The following SLC35F3 variants were observed in gnomAD, a reference collection of about 807,000 sequenced individuals.
The protein encoded by SLC35F3 is solute carrier family 35 member F3.
Under a neutral mutation model 49.9 loss-of-function variants are expected in SLC35F3, and 25 were observed. The ratio of observed to expected loss-of-function variants is 0.50; its 90% confidence interval spans 0.37 to 0.70. The LOEUF is 0.70. Among genes scored for constraint, SLC35F3 ranks in the 30% least tolerant of loss-of-function variants. SLC35F3 has a pLI of 0.00. For missense variants in SLC35F3, 525 were observed against 639.8 expected, an observed-to-expected ratio of 0.82 and a Z score of 1.94; for synonymous variants, 275 against 265.4, an observed-to-expected ratio of 1.04 and a Z score of -0.35.
chr1:233,914,738 G>A (rs541515547), intron 2 of SLC35F3, among the ~76,000 whole-genome samples: 1 of 152,294 alleles, frequency 6.6e-6, no homozygotes, highest in Non-Finnish European at 1.5e-5. Flanking sequence ...TTGTCCCACA[G>A]CAGGAGGATG....
chr1:233,951,094 T>C (rs1473431770), intron 2 of SLC35F3, among the ~76,000 whole-genome samples: 2 of 151,602 alleles, frequency 1.3e-5, no homozygotes, highest in Non-Finnish European at 2.9e-5. Flanking sequence ...CTATAATATA[T>C]GATAACACGT....
intron 7 of SLC35F3, 49 bp from the exon 8 acceptor site, chr1:234,322,959 A>C: frequency 6.5e-7 from 1 of 1,548,908 alleles, no homozygotes. Context: ...CTCCAGGGAC[A>C]TGCCCCCAAC....
chr1:234,178,850 A>C lies in SLC35F3; in HGVS notation c.284-52567A>C, dbSNP rs75377363. ...TTGTACATTCTGTGGATCTTGACAA[A>C]TGTCTAATGACATGTGTATCTATCA... On this transcript the variant is annotated intron_variant, in intron 2 of 7. Coordinates refer to ENST00000366618, the MANE Select transcript of SLC35F3 (RefSeq NM_173508.4). Among the ~76,000 whole-genome samples the C allele has an allele frequency of 8.4e-3, 1,272 of 152,306 alleles. 21 individuals carry two copies. The highest frequency in any genetic ancestry group is 0.029 in the African/African-American group (1,198 of 41,554).
At chr1:234,112,313 C>T (rs1298055475) in intron 2 of SLC35F3, among the ~76,000 whole-genome samples, 2 of 152,104 alleles carry the variant, frequency 1.3e-5, no homozygotes, top group Non-Finnish European at 2.9e-5. Flanking sequence ...AGGATCACAC[C>T]ACTGCACTCC....
At chr1:234,289,129 A>T (rs1467170731) in intron 3 of SLC35F3, among the ~76,000 whole-genome samples, 1 of 152,328 alleles carries the variant, frequency 6.6e-6, no homozygotes, top group South Asian at 2.1e-4. Context: ...CAATGACGTC[A>T]TGGCATTTGA....
intron 2 of SLC35F3, among the ~76,000 whole-genome samples, chr1:234,145,374 A>G (rs1382982160): frequency 2.0e-5 from 3 of 152,146 alleles, no homozygotes; most frequent in African/African-American, 4.8e-5. Context: ...GATCTTTAGT[A>G]TATCTGCTTC....
intron 2 of SLC35F3, among the ~76,000 whole-genome samples, chr1:234,229,221 T>C (rs1667331383): frequency 6.6e-6 from 1 of 152,184 alleles, no homozygotes. Context: ...TATCCAAGCA[T>C]GGAATATGTT....
Position 233,994,495 on chromosome 1 carries a change from GGCCT to G in SLC35F3, c.283+88739_283+88742del, listed in dbSNP as rs1558199809. Reference sequence around the variant, plus strand: ...CAGCCAATCCTCCTGTAGGAACACCGGCCTGTTTTCTAAATGCTGGATACTGGTT... The same window carrying G: ...CAGCCAATCCTCCTGTAGGAACACCGGTTTTCTAAATGCTGGATACTGGTT... On this transcript the variant is annotated intron_variant, in intron 2 of 7. Transcript: ENST00000366618. Among the ~76,000 whole-genome samples the G allele has an allele frequency of 2.0e-5, 3 of 152,212 alleles. No homozygotes were observed. The South Asian group carries it at 6.2e-4, about 32-fold the overall frequency.
chr1:234,095,597 T>C (rs1489935193), intron 2 of SLC35F3, among the ~76,000 whole-genome samples: 1 of 152,224 alleles, frequency 6.6e-6, no homozygotes, highest in Non-Finnish European at 1.5e-5. Context: ...ATAACTTTCT[T>C]AGACATTTTA....
chr1:234,086,061 C>T (rs1162852658), intron 2 of SLC35F3, among the ~76,000 whole-genome samples: 1 of 151,960 alleles, frequency 6.6e-6, no homozygotes, highest in Non-Finnish European at 1.5e-5. Flanking sequence ...TTGTTCATAC[C>T]CTTCCATCAT....
intron 2 of SLC35F3, among the ~76,000 whole-genome samples, chr1:234,135,513 G>A (rs1418292553): frequency 1.3e-5 from 2 of 152,188 alleles, no homozygotes; most frequent in Non-Finnish European, 2.9e-5. Context: ...CAAGGACCCA[G>A]CATATATGGT....
At chr1:234,317,077 C>T (rs1209978324) in intron 5 of SLC35F3, among the ~76,000 whole-genome samples, 1 of 152,158 alleles carries the variant, frequency 6.6e-6, no homozygotes, top group Non-Finnish European at 1.5e-5. Context: ...TCATTTGCCA[C>T]CCTATGGGGT....
At chr1:234,189,515 C>CA (rs74839155) in intron 2 of SLC35F3, among the ~76,000 whole-genome samples, 3,468 of 117,278 alleles carry the variant, frequency 0.03, 92 homozygotes, top group African/African-American at 0.076. Context: ...CCAACACAGA[C>CA]AAAAAAAAAA....
intron 2 of SLC35F3, among the ~76,000 whole-genome samples, chr1:233,925,328 G>A (rs1433410874): frequency 6.6e-6 from 1 of 152,182 alleles, no homozygotes; most frequent in Non-Finnish European, 1.5e-5. Flanking sequence ...AGTATTGGGT[G>A]CATATATATT....
chr1:234,103,047 A>G (rs1028760377), intron 2 of SLC35F3, among the ~76,000 whole-genome samples: 1 of 152,230 alleles, frequency 6.6e-6, no homozygotes, highest in African/African-American at 2.4e-5. Flanking sequence ...AAACCATAAA[A>G]TATGTGTATA....
chr1:234,105,306 C>T (rs2102884271), intron 2 of SLC35F3, among the ~76,000 whole-genome samples: 1 of 152,222 alleles, frequency 6.6e-6, no homozygotes, highest in South Asian at 2.1e-4. Context: ...TCAAGATGAA[C>T]AATTGACTGG....
intron 2 of SLC35F3, among the ~76,000 whole-genome samples, chr1:234,227,706 C>T (rs1380323049): frequency 6.6e-6 from 1 of 152,198 alleles, no homozygotes; most frequent in Non-Finnish European, 1.5e-5. Flanking sequence ...CCGGCACTGC[C>T]TCTTTCAACT....
intron 2 of SLC35F3, among the ~76,000 whole-genome samples, chr1:234,041,069 G>A (rs888159644): frequency 2.0e-5 from 3 of 152,222 alleles, no homozygotes; most frequent in African/African-American, 7.2e-5. Flanking sequence ...TTTCTTCTTA[G>A]CAGCACAGTA....
chr1:234,086,298 C>T (rs542362945), intron 2 of SLC35F3, among the ~76,000 whole-genome samples: 63 of 152,152 alleles, frequency 4.1e-4, no homozygotes, highest in Middle Eastern at 3.4e-3. Flanking sequence ...TTCTGAGGAA[C>T]GGGAGAAATG....
Sources: gnomAD v4.1 joint callset for allele counts (sites outside exome capture counted in the v4.1 genomes callset) on GRCh38, gnomAD v4.1.1 for gene constraint, MANE v1.5 for transcripts, NCBI Gene and HGNC (gene_info 2026-07-23, HGNC 2026-07-21) for gene names.